PRMT2: variants seen among roughly 807,000 people sequenced by gnomAD.
PRMT2 encodes the protein protein arginine N-methyltransferase 2.
In PRMT2, 26 loss-of-function variants were observed where a neutral mutation model predicts 57.6. That is an observed-to-expected ratio of 0.45 (90% CI 0.33 to 0.63). PRMT2 has a LOEUF of 0.63. Among genes scored for constraint, PRMT2 ranks in the 20% least tolerant of loss-of-function variants. PRMT2 has a pLI of 0.02. For missense variants in PRMT2, 472 were observed against 564.4 expected (o/e 0.84, Z 1.66); for synonymous variants, 219 against 220.0 (o/e 1.00, Z 0.04).
chr21:46,653,156 A>G, intron 7 of PRMT2: 1 of 985,460 alleles, frequency 1.0e-6, no homozygotes, highest in African/African-American at 1.7e-5. Flanking sequence ...CAACCACATT[A>G]TGACGAATTT....
At chr21:46,660,598 A>C (rs1453239481) in intron 8 of PRMT2, among the ~76,000 whole-genome samples, 2 of 152,178 alleles carry the variant, frequency 1.3e-5, no homozygotes, top group Non-Finnish European at 2.9e-5. Flanking sequence ...TAATGCCTCC[A>C]GGTCAGGCTC....
chr21:46,642,200 C>T (rs995650505), intron 3 of PRMT2, among the ~76,000 whole-genome samples: 11 of 152,176 alleles, frequency 7.2e-5, no homozygotes, highest in South Asian at 4.2e-4. Flanking sequence ...AGAGACTTAC[C>T]CTAAGAAGAT....
Position 46,641,935 on chromosome 21 carries a change from TAGAC to T in PRMT2, c.40-1597_40-1594del, listed in dbSNP as rs112201105. Among the ~76,000 whole-genome samples the T allele has an allele frequency of 5.1e-4, 77 of 151,960 alleles. 3 individuals are homozygous for T. Among genetic ancestry groups the T allele is most frequent in the Middle Eastern group, 3.4e-3 (1 of 294 alleles). On this transcript the variant is annotated intron_variant, in intron 3 of 11. Coordinates refer to ENST00000355680, the MANE Select transcript of PRMT2 (RefSeq NM_206962.4). ...TAGGGAAAAGCACGAAGGGTACAAATAGACAGTAAGGTAAAAAAAGATGCCAGCA... is the reference window on the plus strand; with the variant it reads ...TAGGGAAAAGCACGAAGGGTACAAATAGTAAGGTAAAAAAAGATGCCAGCA...
At chr21:46,645,122 C>G (rs1297067535) in intron 5 of PRMT2, among the ~76,000 whole-genome samples, 1 of 88,426 alleles carries the variant, frequency 1.1e-5, no homozygotes, top group Non-Finnish European at 2.2e-5. Flanking sequence ...ATATAATTAG[C>G]TGGGCATGGT....
rs951983849 is a variant in PRMT2 at position 46,664,561 on chromosome 21, T to A, written c.*234T>A. On this transcript the variant is annotated 3_prime_UTR_variant, in exon 12 of 12. Transcript: ENST00000355680. ...CTGCCCAGTGTCTGCCCTCTAGAAGTAGGCTGTGTTTCCAGGTGTTCACCC... is the reference window on the plus strand; with the variant it reads ...CTGCCCAGTGTCTGCCCTCTAGAAGAAGGCTGTGTTTCCAGGTGTTCACCC... 5 of 594,286 alleles carry A rather than the reference T, an allele frequency of 8.4e-6. No individual in the cohort carries two copies. The highest frequency in any genetic ancestry group is 1.5e-5 in the Non-Finnish European group (5 of 332,888). The allele number at this position is 594,286 out of a possible 1,614,324, so 36.8% of individuals were successfully genotyped here.
At chr21:46,657,865 A>C (rs899290646) in intron 7 of PRMT2, 1 of 152,260 alleles carries the variant, frequency 6.6e-6, no homozygotes, top group Non-Finnish European at 1.5e-5. Flanking sequence ...GTAGAAAAAT[A>C]CTTGAAGGTA....
chr21:46,638,748 A>T (rs1012542262), intron 3 of PRMT2, among the ~76,000 whole-genome samples: 1 of 152,208 alleles, frequency 6.6e-6, no homozygotes, highest in Non-Finnish European at 1.5e-5. Flanking sequence ...ACCCTCCATT[A>T]TAGAAGAGAT....
At chr21:46,659,707 G>C in intron 8 of PRMT2, 1 of 984,068 alleles carries the variant, frequency 1.0e-6, no homozygotes, top group Non-Finnish European at 1.2e-6. Flanking sequence ...GTTGGCATCA[G>C]GCTGCCCACC....
chr21:46,663,033 G>A (rs932405696), intron 10 of PRMT2, among the ~76,000 whole-genome samples: 37 of 152,238 alleles, frequency 2.4e-4, no homozygotes, highest in African/African-American at 8.4e-4. Context: ...TGTGTCCCCT[G>A]AGCTCCCGCA....
At chr21:46,652,760 G>T in intron 7 of PRMT2, 6 of 1,156,288 alleles carry the variant, frequency 5.2e-6, no homozygotes, top group Non-Finnish European at 5.5e-6. Context: ...AGATACCACA[G>T]GTGTCCTAGA....
At chr21:46,653,246 T>TA in intron 7 of PRMT2, 13 of 985,416 alleles carry the variant, frequency 1.3e-5, no homozygotes, top group Non-Finnish European at 1.6e-5. Context: ...TACTGTTTTA[T>TA]TGACTGTATT....
chr21:46,658,402 G>A (rs1015271802), intron 7 of PRMT2: 4 of 207,220 alleles, frequency 1.9e-5, no homozygotes, highest in Non-Finnish European at 2.9e-5. Flanking sequence ...GTTGGGACCC[G>A]GCAACACTTC....
intron 8 of PRMT2, 143 bp downstream of exon 8, chr21:46,659,063 A>T: frequency 2.8e-6 from 4 of 1,436,170 alleles, no homozygotes; most frequent in Non-Finnish European, 3.7e-6. Context: ...AATCTGTTGT[A>T]GCATTGGAGT....
Position 46,652,801 on chromosome 21 carries a change from A to G in PRMT2, c.654+3062A>G. 3.2e-6 allele frequency: 4 copies of G among 1,232,832 alleles called. No individual in the cohort carries two copies. In the South Asian group the frequency reaches 5.6e-5, roughly 17 times the overall value. 76.4% of individuals were successfully genotyped at this position (1,232,832 alleles called of 1,614,324 possible). A position where few individuals can be genotyped will look rare whatever the true frequency, so the allele number is the denominator to read the frequency against. On this transcript the variant is annotated intron_variant, in intron 7 of 11. Coordinates refer to ENST00000355680, the MANE Select transcript of PRMT2 (RefSeq NM_206962.4). The stretch of plus-strand genomic sequence containing the variant: ...AACAGACCATTTAATCATTTTTGTT[A>G]ACAAAGCAGGTGACAATTGAGCCCT...
Position 46,649,630 on chromosome 21 carries a change from A to C in PRMT2, c.545A>C (p.Gln182Pro). ...MAQHTGQLVL[Q>P]NGFADIITVY... ...CAGCACACGGGGCAGCTGGTCCTGC[A>C]GAACGGCTTTGCTGACATCATCACC... The change falls in exon 7 of 12, where the codon CAG becomes CCG. Residue 182 changes from glutamine to proline, a missense_variant. Gln to Pro is a moderately conservative substitution (Grantham distance 76). Around this residue, in one of 2 missense-constraint regions of PRMT2, gnomAD observed 243 missense variants for 347.2 expected, o/e 0.70. Coordinates refer to ENST00000355680, the MANE Select transcript of PRMT2 (RefSeq NM_206962.4). The surrounding 1 kb of genome is among the most constrained non-coding windows in gnomAD (Gnocchi z 4.8). 1 of 1,614,136 alleles carries C rather than the reference A, an allele frequency of 6.2e-7. No homozygotes were observed. The highest frequency in any genetic ancestry group is 8.5e-7 in the Non-Finnish European group (1 of 1,180,032).
At position 46,652,698 on chromosome 21, in the gene PRMT2, A is replaced by C. The variant is rs138756641; in HGVS notation, c.654+2959A>C. On this transcript the variant is annotated intron_variant, in intron 7 of 11. Coordinates refer to ENST00000355680, the MANE Select transcript of PRMT2 (RefSeq NM_206962.4). Reference sequence around the variant, plus strand: ...GGGCAGAATAAGTCAAAGAGCATTAAAATTTTTTTGTTTTTCCAGAAGCAG... The same window carrying C: ...GGGCAGAATAAGTCAAAGAGCATTACAATTTTTTTGTTTTTCCAGAAGCAG... The C allele has an allele frequency of 8.6e-5, 98 of 1,133,936 alleles. No homozygotes were observed. The East Asian group carries it at 6.9e-3, about 80-fold the overall frequency. The allele number at this position is 1,133,936 out of a possible 1,614,324, so 70.2% of individuals were successfully genotyped here. A position where few individuals can be genotyped will look rare whatever the true frequency, so the allele number is the denominator to read the frequency against.
At chr21:46,644,210 T>A in intron 4 of PRMT2, 96 bp from the exon 5 acceptor site, 1 of 1,248,304 alleles carries the variant, frequency 8.0e-7, no homozygotes, top group Non-Finnish European at 1.1e-6. Context: ...TTGAAATCTC[T>A]GTGATTTTGT....
chr21:46,652,815 CA>C lies in PRMT2; in HGVS notation c.654+3078del, dbSNP rs1286858767. On this transcript the variant is annotated intron_variant, in intron 7 of 11. Coordinates refer to ENST00000355680, the MANE Select transcript of PRMT2 (RefSeq NM_206962.4). ...TCATTTTTGTTAACAAAGCAGGTGACAATTGAGCCCTAATTTGCGTTATCAT... is the reference window on the plus strand; with the variant it reads ...TCATTTTTGTTAACAAAGCAGGTGACATTGAGCCCTAATTTGCGTTATCAT... The C allele has an allele frequency of 2.4e-6, 3 of 1,264,110 alleles. No homozygotes were observed. The African/African-American group carries it at 4.6e-5, about 20-fold the overall frequency. The allele number at this position is 1,264,110 out of a possible 1,614,324, so 78.3% of individuals were successfully genotyped here. A position where few individuals can be genotyped will look rare whatever the true frequency, so the allele number is the denominator to read the frequency against.
intron 7 of PRMT2, among the ~76,000 whole-genome samples, chr21:46,651,465 G>A (rs2061449773): frequency 7.2e-6 from 1 of 139,064 alleles, no homozygotes; most frequent in South Asian, 2.3e-4. Context: ...GTGGGCGATG[G>A]CCTGGAGGGG....
Sources: gnomAD v4.1 joint callset for allele counts (sites outside exome capture counted in the v4.1 genomes callset) on GRCh38, gnomAD v4.1.1 for gene constraint, gnomAD v4.1.1 regional missense constraint, Gnocchi (gnomAD v3.1) non-coding constraint, MANE v1.5 for transcripts, NCBI Gene and HGNC (gene_info 2026-07-23, HGNC 2026-07-21) for gene names.